Variants in LRP12 observed in about 807,000 individuals in gnomAD.
LRP12 encodes LDL receptor related protein 12.
A neutral mutation model predicts 66.0 loss-of-function variants in LRP12; 14 were observed. The ratio of observed to expected loss-of-function variants is 0.21; its 90% CI spans 0.14 to 0.33. The LOEUF is 0.33. Among genes scored for constraint, LRP12 ranks in the 10% least tolerant of loss-of-function variants. LRP12 has a pLI of 1.00. For synonymous variants in LRP12, 357 were observed against 359.1 expected (o/e 0.99, Z 0.07); for missense variants, 889 against 1,053.4 (o/e 0.84, Z 2.16).
rs1313883325 is a variant in LRP12 at position 104,588,962 on chromosome 8, C to A, written c.-65G>T. On this transcript the variant is annotated 5_prime_UTR_variant, in exon 1 of 7. Transcript: ENST00000276654. ...GGAGGGAGGAGAAGCTGGAGGTAGA[C>A]GACGCCGACGCCGCCGCCGCCGCCG... 60 of 954,490 alleles carry A rather than the reference C, an allele frequency of 6.3e-5. 1 individual carries two copies. Among genetic ancestry groups the A allele is most frequent in the Admixed American group, 1.1e-4 (3 of 28,460 alleles). 59.1% of individuals were successfully genotyped at this position (954,490 alleles called of 1,614,324 possible). A position where few individuals can be genotyped will look rare whatever the true frequency, so the allele number is the denominator to read the frequency against.
At chr8:104,507,176 T>C (rs1410385880) in intron 3 of LRP12, 1 of 152,228 alleles carries the variant, frequency 6.6e-6, no homozygotes. Flanking sequence ...AACTTGTCTT[T>C]GTGTATATGC....
intron 1 of LRP12, among the ~76,000 whole-genome samples, chr8:104,570,216 T>C (rs895070212): frequency 1.3e-5 from 2 of 152,164 alleles, no homozygotes; most frequent in Admixed American, 6.5e-5. Flanking sequence ...CCTAAAGTAA[T>C]CTATAAATTT....
intron 1 of LRP12, among the ~76,000 whole-genome samples, chr8:104,577,933 C>T (rs1812191072): frequency 6.6e-6 from 1 of 151,832 alleles, no homozygotes; most frequent in Non-Finnish European, 1.5e-5. Flanking sequence ...CACTAAATGC[C>T]CACATCAAAA....
intron 1 of LRP12, among the ~76,000 whole-genome samples, chr8:104,587,339 T>C (rs1014472753): frequency 6.6e-6 from 1 of 152,098 alleles, no homozygotes; most frequent in African/African-American, 2.4e-5. Flanking sequence ...AACAACGTAA[T>C]AGCTTATTGA....
intron 1 of LRP12, among the ~76,000 whole-genome samples, chr8:104,585,708 TTAAC>T (rs1812318328): frequency 6.6e-6 from 1 of 152,222 alleles, no homozygotes; most frequent in Non-Finnish European, 1.5e-5. Flanking sequence ...TACGATTTCA[TTAAC>T]TTTTTTCTCT....
intron 1 of LRP12, among the ~76,000 whole-genome samples, chr8:104,577,593 G>A (rs1455322699): frequency 2.6e-5 from 4 of 152,094 alleles, no homozygotes; most frequent in East Asian, 1.9e-4. Flanking sequence ...GGCAGATCAC[G>A]AGGTCAGGAG....
chr8:104,509,620 T>C (rs1022438918), intron 2 of LRP12, among the ~76,000 whole-genome samples: 3 of 152,160 alleles, frequency 2.0e-5, no homozygotes, highest in Admixed American at 1.3e-4. Context: ...AGCACAAAAG[T>C]AGTGATGCTG....
rs746821865 is a variant in LRP12, at chr8:104,497,881, G to T, written c.671C>A (p.Ser224Tyr). 1.2e-6 allele frequency: 2 copies of T among 1,614,202 alleles called. No individual in the cohort carries two copies. The highest frequency in any genetic ancestry group is 1.7e-5 in the Admixed American group (1 of 60,030). Residue 224 changes from serine to tyrosine, a missense_variant, in exon 5 of 7, where the codon TCC becomes TAC. By Grantham distance (144) the Ser-to-Tyr change is moderately radical. Coordinates refer to ENST00000276654, the MANE Select transcript of LRP12 (RefSeq NM_013437.5). This position sits in a 1 kb window ranked among gnomAD's most constrained non-coding sequence, Gnocchi z 4.3. ...GCAAGTGTAAACTTTGGTAAAACGG[G>T]ATAAACACTGGAACTGGTTGTAAGC... ...PCAYNQFQCL[S>Y]RFTKVYTCLP... is the part of the protein sequence containing the mutation.
intron 1 of LRP12, among the ~76,000 whole-genome samples, chr8:104,541,910 A>G (rs568496412): frequency 7.4e-5 from 11 of 148,666 alleles, no homozygotes; most frequent in African/African-American, 2.9e-4. Flanking sequence ...TCACTAGGTG[A>G]CAGACATTTA....
chr8:104,528,865 T>A (rs1811285333), intron 2 of LRP12, among the ~76,000 whole-genome samples: 1 of 152,124 alleles, frequency 6.6e-6, no homozygotes, highest in South Asian at 2.1e-4. Context: ...TTTAATAATA[T>A]AATTGGAATA....
At chr8:104,525,716 G>C (rs1811224363) in intron 2 of LRP12, among the ~76,000 whole-genome samples, 1 of 152,084 alleles carries the variant, frequency 6.6e-6, no homozygotes, top group Non-Finnish European at 1.5e-5. Context: ...CAAACCCACA[G>C]CCAATATCAT....
intron 1 of LRP12, among the ~76,000 whole-genome samples, chr8:104,558,985 G>A (rs961828564): frequency 3.3e-5 from 5 of 152,182 alleles, no homozygotes; most frequent in Admixed American, 1.3e-4. Flanking sequence ...GTGGTGAACA[G>A]GGAACACTTT....
rs966795782 is a variant in LRP12, at chr8:104,489,786, G to C, written c.*887C>G. ...GTGCTTGTGCACTAAGCTCATCTGA[G>C]ACCTTGATATAATTTTAGTGCAAAT... On this transcript the variant is annotated 3_prime_UTR_variant, in exon 7 of 7. Transcript: ENST00000276654. The C allele has an allele frequency of 5.9e-5, 9 of 152,470 alleles. No homozygotes were observed. Among genetic ancestry groups the C allele is most frequent in the Admixed American group, 5.9e-4 (9 of 15,266 alleles). The allele number at this position is 152,470 out of a possible 1,614,324, so 9.4% of individuals were successfully genotyped here.
intron 1 of LRP12, among the ~76,000 whole-genome samples, chr8:104,537,571 A>G (rs1811408663): frequency 6.6e-6 from 1 of 152,160 alleles, no homozygotes; most frequent in South Asian, 2.1e-4. Context: ...CCTTAGGAGT[A>G]GAGCTAACTG....
intron 1 of LRP12, among the ~76,000 whole-genome samples, chr8:104,562,402 G>T (rs1449594186): frequency 1.3e-5 from 2 of 151,848 alleles, no homozygotes; most frequent in African/African-American, 4.8e-5. Context: ...GACCAAAACT[G>T]CAAACAATTT....
chr8:104,579,472 A>G (rs189908647), intron 1 of LRP12, among the ~76,000 whole-genome samples: 1 of 152,348 alleles, frequency 6.6e-6, no homozygotes, highest in African/African-American at 2.4e-5. Context: ...TATGGGTAAG[A>G]AGAATCAATA....
chr8:104,510,669 TAGA>T (rs1352806714), intron 2 of LRP12, among the ~76,000 whole-genome samples: 2 of 152,140 alleles, frequency 1.3e-5, no homozygotes, highest in African/African-American at 4.8e-5. Context: ...AACAGCAGAT[TAGA>T]AGCAGAAAAT....
intron 1 of LRP12, among the ~76,000 whole-genome samples, chr8:104,559,192 G>A (rs1156295195): frequency 6.6e-6 from 1 of 152,154 alleles, no homozygotes; most frequent in Non-Finnish European, 1.5e-5. Context: ...TTGCAAAAAT[G>A]AGGAACCAGT....
At chr8:104,545,936 T>C (rs1319979652) in intron 1 of LRP12, among the ~76,000 whole-genome samples, 1 of 152,188 alleles carries the variant, frequency 6.6e-6, no homozygotes, top group East Asian at 1.9e-4. Context: ...ATAACACTTC[T>C]GCAAAGTAAC....
Sources: allele counts gnomAD v4.1 joint callset (sites outside exome capture counted in the v4.1 genomes callset), GRCh38; gene constraint gnomAD v4.1.1; non-coding constraint Gnocchi (gnomAD v3.1); transcripts MANE v1.5; gene names NCBI Gene and HGNC (gene_info 2026-07-23, HGNC 2026-07-21).